Variants in IPCEF1 observed in about 807,000 individuals in gnomAD.
IPCEF1 encodes the protein interactor protein for cytohesin exchange factors 1.
IPCEF1 carries 31 observed loss-of-function variants against 50.9 expected under a neutral mutation model. That is an observed-to-expected ratio of 0.61 (90% CI 0.46 to 0.82). IPCEF1 has a LOEUF of 0.82. Ranked by LOEUF, IPCEF1 falls within the 40% of genes least tolerant of loss-of-function variation. IPCEF1 has a pLI of 0.00. For synonymous variants in IPCEF1, 181 were observed against 192.0 expected, an observed-to-expected ratio of 0.94 and a Z score of 0.47; for missense variants, 458 against 514.0, an observed-to-expected ratio of 0.89 and a Z score of 1.05.
intron 3 of IPCEF1, among the ~76,000 whole-genome samples, chr6:154,252,922 CA>C (rs1277593781): frequency 6.6e-6 from 1 of 152,182 alleles, no homozygotes; most frequent in Non-Finnish European, 1.5e-5. Flanking sequence ...CCCTCAAAAC[CA>C]AGCTTCTGTG....
chr6:154,173,014 C>T (rs1384926398), intron 10 of IPCEF1, among the ~76,000 whole-genome samples: 1 of 152,206 alleles, frequency 6.6e-6, no homozygotes, highest in Non-Finnish European at 1.5e-5. Context: ...GCTGGTGATA[C>T]CCAGGCAAAC....
chr6:154,284,276 C>A (rs1223267106), intron 2 of IPCEF1, among the ~76,000 whole-genome samples: 1 of 152,128 alleles, frequency 6.6e-6, no homozygotes, highest in African/African-American at 2.4e-5. Context: ...AACTCAATTA[C>A]CTGGTAGAAC....
At chr6:154,303,132 C>T (rs532809067) in intron 1 of IPCEF1, among the ~76,000 whole-genome samples, 163 of 145,014 alleles carry the variant, frequency 1.1e-3, no homozygotes, top group African/African-American at 3.8e-3. Context: ...CGCTCTGTCA[C>T]CCAGGCTGGA....
At chr6:154,282,036 G>A (rs1258271126) in intron 2 of IPCEF1, among the ~76,000 whole-genome samples, 1 of 151,946 alleles carries the variant, frequency 6.6e-6, no homozygotes, top group African/African-American at 2.4e-5. Flanking sequence ...TGGCATGATG[G>A]CACATGTCTG....
At chr6:154,186,649 C>A (rs552687850) in intron 10 of IPCEF1, among the ~76,000 whole-genome samples, 3 of 152,038 alleles carry the variant, frequency 2.0e-5, no homozygotes, top group Admixed American at 6.6e-5. Context: ...CTCCGCCTCC[C>A]GGGTTCGCGC....
intron 9 of IPCEF1, among the ~76,000 whole-genome samples, chr6:154,208,082 T>C (rs1777647058): frequency 6.6e-6 from 1 of 151,820 alleles, no homozygotes; most frequent in African/African-American, 2.4e-5. Flanking sequence ...CAGAGCAGAT[T>C]GGGGGCTCCA....
At chr6:154,307,110 G>T (rs879280674) in intron 1 of IPCEF1, among the ~76,000 whole-genome samples, 4 of 152,088 alleles carry the variant, frequency 2.6e-5, no homozygotes, top group East Asian at 1.9e-4. Flanking sequence ...TTTTCTAAAG[G>T]CCCTGCCTAT....
intron 5 of IPCEF1, among the ~76,000 whole-genome samples, chr6:154,230,665 C>G (rs923132900): frequency 1.3e-5 from 2 of 152,046 alleles, no homozygotes; most frequent in Non-Finnish European, 2.9e-5. Flanking sequence ...TCATGTAGTT[C>G]CTGGTTAAAA....
At chr6:154,342,055 C>T (rs1239619629) in intron 1 of IPCEF1, among the ~76,000 whole-genome samples, 2 of 152,126 alleles carry the variant, frequency 1.3e-5, no homozygotes, top group Non-Finnish European at 2.9e-5. Flanking sequence ...ATGCATTACC[C>T]AGACTCCCAT....
chr6:154,200,088 T>G, intron 9 of IPCEF1, 48 bp from the exon 10 acceptor site: 1 of 1,499,664 alleles, frequency 6.7e-7, no homozygotes, highest in Non-Finnish European at 9.0e-7. Context: ...ACATCATGAT[T>G]AAACCATCAT....
intron 1 of IPCEF1, among the ~76,000 whole-genome samples, chr6:154,313,076 A>AAAAAAAAAAAAAAC (rs1783123261): frequency 6.7e-6 from 1 of 149,618 alleles, no homozygotes; most frequent in African/African-American, 2.5e-5. Flanking sequence ...TCAAAAAAAA[A>AAAAAAAAAAAAAAC]AAAAAAAAAA....
intron 1 of IPCEF1, among the ~76,000 whole-genome samples, chr6:154,331,937 C>T (rs1190672840): frequency 6.6e-6 from 1 of 152,158 alleles, no homozygotes; most frequent in Admixed American, 6.5e-5. Flanking sequence ...TTTTCTCAAG[C>T]TGCTCCCTTG....
At chr6:154,267,819 T>G (rs113206863) in intron 2 of IPCEF1, among the ~76,000 whole-genome samples, 2 of 152,124 alleles carry the variant, frequency 1.3e-5, no homozygotes, top group African/African-American at 4.8e-5. Flanking sequence ...TTGCAGGTGG[T>G]AGTCCCAATG....
chr6:154,336,228 T>C (rs888541850), intron 1 of IPCEF1, among the ~76,000 whole-genome samples: 2 of 152,248 alleles, frequency 1.3e-5, no homozygotes, highest in African/African-American at 4.8e-5. Flanking sequence ...GCATGTTTAT[T>C]GTAGCACTAT....
At chr6:154,203,326 GC>G (rs1399546603) in intron 9 of IPCEF1, among the ~76,000 whole-genome samples, 7 of 152,160 alleles carry the variant, frequency 4.6e-5, no homozygotes, top group Admixed American at 1.3e-4. Flanking sequence ...TAGGTGCTTT[GC>G]CTGGTGCTTC....
chr6:154,322,162 A>T (rs1783399216), intron 1 of IPCEF1, among the ~76,000 whole-genome samples: 1 of 152,188 alleles, frequency 6.6e-6, no homozygotes, highest in South Asian at 2.1e-4. Flanking sequence ...ATTAAAAACT[A>T]AACAAAAAAC....
chr6:154,241,535 A>G (rs964353668), intron 5 of IPCEF1, among the ~76,000 whole-genome samples: 8 of 152,130 alleles, frequency 5.3e-5, no homozygotes, highest in African/African-American at 1.9e-4. Context: ...CCCAGGCTCT[A>G]AAACTTGGAA....
At chr6:154,172,821 G>C (rs576423972) in intron 10 of IPCEF1, among the ~76,000 whole-genome samples, 8 of 152,212 alleles carry the variant, frequency 5.3e-5, no homozygotes, top group African/African-American at 1.9e-4. Flanking sequence ...CTCCCAGCAC[G>C]GCATTCGATC....
chr6:154,316,211 C>T (rs1783213754), intron 1 of IPCEF1, among the ~76,000 whole-genome samples: 1 of 152,132 alleles, frequency 6.6e-6, no homozygotes, highest in Non-Finnish European at 1.5e-5. Context: ...AATTGGGTTG[C>T]CATTATTGGC....
Sources: allele counts gnomAD v4.1 joint callset (sites outside exome capture counted in the v4.1 genomes callset), GRCh38; gene constraint gnomAD v4.1.1; transcripts MANE v1.5; gene names NCBI Gene and HGNC (gene_info 2026-07-23, HGNC 2026-07-21).